Variants in CDHR5 observed in about 807,000 individuals in gnomAD.
CDHR5 encodes the protein cadherin related family member 5.
CDHR5 carries 82 observed loss-of-function variants against 69.5 expected under a neutral mutation model. The observed-to-expected ratio is 1.18, with a 90% CI of 0.99 to 1.42. The LOEUF (loss-of-function observed/expected upper bound fraction) is 1.42. Among genes scored for constraint, CDHR5 ranks in the 40% most tolerant of loss-of-function variants. The probability of loss-of-function intolerance (pLI) is 0.00; values close to 1 mark genes in which losing one functional copy is unlikely to be tolerated. For synonymous variants in CDHR5, 601 were observed against 510.2 expected, an observed-to-expected ratio of 1.18 and a Z score of -2.40; for missense variants, 1,293 against 1,168.9, an observed-to-expected ratio of 1.11 and a Z score of -1.55.
At position 618,171 on chromosome 11, in the gene CDHR5, C is replaced by T. The variant is rs1413232466; in HGVS notation, c.1961-60G>A. On this transcript the variant is annotated intron_variant, in intron 13 of 14. Coordinates refer to ENST00000397542, the MANE Select transcript of CDHR5 (RefSeq NM_021924.5). ...ACTGTTGAGTGCCCCAGGCATTTCC[C>T]ATGCCAACCTGTGCCAGGCTTGGGA... is the stretch of plus-strand genomic sequence containing the variant. 110 of 1,442,360 alleles carry T rather than the reference C, an allele frequency of 7.6e-5. 2 individuals are homozygous for T. Among genetic ancestry groups the T allele is most frequent in the South Asian group, 6.8e-4 (54 of 79,566 alleles). The allele number at this position is 1,442,360 out of a possible 1,614,324, so 89.3% of individuals were successfully genotyped here.
chr11:617,589 G>A lies in CDHR5; in HGVS notation c.2300C>T (p.Ala767Val), dbSNP rs756723845. Residue 767 changes from alanine (A) to valine (V), a missense_variant, in exon 15 of 15, where the codon GCT becomes GTT. Physicochemically the swap from Ala to Val is moderately conservative, Grantham distance 64 (BLOSUM62 0). Transcript: ENST00000397542. ...GAPEPPAAAR[A>V]GGSPTAVRSI... Reference sequence around the variant, plus strand: ...CCTCACCGCCGTGGGGCTTCCGCCAGCTCGGGCCGCTGCGGGGGGCTCAGG... The same window carrying A: ...CCTCACCGCCGTGGGGCTTCCGCCAACTCGGGCCGCTGCGGGGGGCTCAGG... 1 of 1,609,274 alleles carries A rather than the reference G, an allele frequency of 6.2e-7. No individual in the cohort carries two copies. Among genetic ancestry groups the A allele is most frequent in the Non-Finnish European group, 8.5e-7 (1 of 1,178,150 alleles).
chr11:624,119 C>G lies in CDHR5; in HGVS notation c.312+94G>C, dbSNP rs1247211448. The G allele has an allele frequency of 5.5e-5, 38 of 690,464 alleles. No homozygotes were observed. The South Asian group carries it at 5.8e-4, about 11-fold the overall frequency. The allele number at this position is 690,464 out of a possible 1,614,324, so 42.8% of individuals were successfully genotyped here. Reference sequence around the variant, plus strand: ...GGGGGGTGGAATTTGAAACCACACCCTAGCTGACGTCATCAAAGACTGGTC... The same window carrying G: ...GGGGGGTGGAATTTGAAACCACACCGTAGCTGACGTCATCAAAGACTGGTC... On this transcript the variant is annotated intron_variant, in intron 3 of 14. Transcript: ENST00000397542. The surrounding 1 kb of genome is among the most constrained non-coding windows in gnomAD (Gnocchi z 5.3).
In CDHR5 at chr11:617,508, C is replaced by A. The variant is rs747080771; in HGVS notation, c.2381G>T (p.Gly794Val). Residue 794 changes from glycine (G) to valine (V), a missense_variant, in exon 15 of 15, where the codon GGC becomes GTC. Coordinates refer to ENST00000397542, the MANE Select transcript of CDHR5 (RefSeq NM_021924.5). ...GTCTGCCTCCGTCCCGATGTCCTCG[C>A]CAAACCAGACAGCCTTGTACCCGCC... ...PEGGYKAVWF[G>V]EDIGTEADVV... The A allele has an allele frequency of 6.2e-7, 1 of 1,612,736 alleles. No individual in the cohort carries two copies. Among genetic ancestry groups the A allele is most frequent in the Non-Finnish European group, 8.5e-7 (1 of 1,179,850 alleles).
At chr11:622,782 C>CT (rs1808453297) in intron 3 of CDHR5, among the ~76,000 whole-genome samples, 1 of 152,044 alleles carries the variant, frequency 6.6e-6, no homozygotes, top group Non-Finnish European at 1.5e-5. Flanking sequence ...AGCCAGGACT[C>CT]TTCTTTTTAG....
rs1011951201 is a variant in CDHR5 at position 617,255 on chromosome 11, G to A, written c.*96C>T. On this transcript the variant is annotated 3_prime_UTR_variant, in exon 15 of 15. Coordinates refer to ENST00000397542, the MANE Select transcript of CDHR5 (RefSeq NM_021924.5). ...GCGCCTGCCCCACGCCATGGCCTGG[G>A]TTTCGGGAGCCTTGCTTTATTCTGC... The A allele has an allele frequency of 3.9e-6, 4 of 1,036,238 alleles. No homozygotes were observed. In the African/African-American group the frequency reaches 6.5e-5, roughly 17 times the overall value. 64.2% of individuals were successfully genotyped at this position (1,036,238 alleles called of 1,614,324 possible).
Position 624,506 on chromosome 11 carries a change from C to T in CDHR5, c.261+51G>A. On this transcript the variant is annotated intron_variant, in intron 2 of 14. Transcript: ENST00000397542. This position sits in a 1 kb window ranked among gnomAD's most constrained non-coding sequence, Gnocchi z 5.3. ...CCAAGGGAGGTGTGGCCTGAGGATG[C>T]AGGTGCCCTTCTCCCGGGACCCCCA... The T allele has an allele frequency of 1.3e-6, 2 of 1,567,996 alleles. No individual in the cohort carries two copies. Among genetic ancestry groups the T allele is most frequent in the Non-Finnish European group, 1.8e-6 (2 of 1,139,644 alleles).
At chr11:623,586 G>A (rs889267542) in intron 3 of CDHR5, among the ~76,000 whole-genome samples, 9 of 152,174 alleles carry the variant, frequency 5.9e-5, no homozygotes, top group Admixed American at 2.0e-4. Context: ...CGTGCCTGGC[G>A]GGAGCCCTGA....
In CDHR5 at chr11:617,002, T is replaced by G; in HGVS notation, c.*349A>C. The G allele has an allele frequency of 6.6e-6, 2 of 304,006 alleles. No individual in the cohort carries two copies. Among genetic ancestry groups the G allele is most frequent in the South Asian group, 5.9e-5 (1 of 16,984 alleles). 18.8% of individuals were successfully genotyped at this position (304,006 alleles called of 1,614,324 possible). On this transcript the variant is annotated 3_prime_UTR_variant, in exon 15 of 15. Coordinates refer to ENST00000397542, the MANE Select transcript of CDHR5 (RefSeq NM_021924.5). ...GGGTGCCTGAGATCTCCGGTGCAGG[T>G]CGGGGGAGGGGAGCCCCCCTCGGGC...
intron 12 of CDHR5, 35 bp downstream of exon 12, chr11:619,271 G>A (rs1186552376): frequency 1.3e-6 from 2 of 1,537,890 alleles, no homozygotes; most frequent in East Asian, 4.5e-5. Flanking sequence ...CTTATTTGGA[G>A]AACCCTGGGG....
In CDHR5 at chr11:619,718, T is replaced by C. The variant is rs756143823; in HGVS notation, c.1142A>G (p.Gln381Arg). The C allele has an allele frequency of 1.2e-6, 2 of 1,612,954 alleles. No homozygotes were observed. Among genetic ancestry groups the C allele is most frequent in the South Asian group, 1.1e-5 (1 of 91,078 alleles). ...VVVKDAAAPS[Q>R]PLRIQAQDPE... ...GTCCTGAGCCTGGATCCTCAGAGGC[T>C]GAGAAGGGGCAGCTGCATCCTTGAC... is the stretch of plus-strand genomic sequence containing the variant. Residue 381 changes from glutamine to arginine, a missense_variant, in exon 10 of 15, where the codon CAG becomes CGG. Physicochemically the swap from Gln to Arg is conservative, Grantham distance 43. Coordinates refer to ENST00000397542, the MANE Select transcript of CDHR5 (RefSeq NM_021924.5).
In CDHR5 at chr11:621,435, GGA is replaced by G. The variant is rs1857379708; in HGVS notation, c.526_527del (p.Ser176ProfsTer101). On this transcript the variant is annotated frameshift_variant, in exon 6 of 15. Coordinates refer to ENST00000397542, the MANE Select transcript of CDHR5 (RefSeq NM_021924.5). LOFTEE classifies it high-confidence loss of function. This position sits in a 1 kb window ranked among gnomAD's most constrained non-coding sequence, Gnocchi z 4.4. ...GGGCGGGACGGTTTACACTCACCAG[GGA>G]GAAGTAGTCACTGGCACCCTGGGGA... Reference protein sequence around the residue: ...EMTAGASDYFSLVSVNRPALR... With the variant: ...EMTAGASDYFXLVSVNRPALR... 1 of 1,612,686 alleles carries G rather than the reference GGA, an allele frequency of 6.2e-7. No individual in the cohort carries two copies. Among genetic ancestry groups the G allele is most frequent in the Non-Finnish European group, 8.5e-7 (1 of 1,179,792 alleles).
In CDHR5 at chr11:624,481, C is replaced by G; in HGVS notation, c.261+76G>C. ...CCGCAGGCATAGAACTCCTAGGCCC[C>G]CAAGGGAGGTGTGGCCTGAGGATGC... On this transcript the variant is annotated intron_variant, in intron 2 of 14. Transcript: ENST00000397542. This position sits in a 1 kb window ranked among gnomAD's most constrained non-coding sequence, Gnocchi z 5.3. 1 of 1,455,178 alleles carries G rather than the reference C, an allele frequency of 6.9e-7. No homozygotes were observed. The allele number at this position is 1,455,178 out of a possible 1,614,324, so 90.1% of individuals were successfully genotyped here. A position where few individuals can be genotyped will look rare whatever the true frequency, so the allele number is the denominator to read the frequency against.
rs1236234536 is a variant in CDHR5 at position 624,882 on chromosome 11, C to T, written c.21G>A (p.Leu7=). The part of the protein sequence containing the change: MGSWAL[L]WPPLLFTGLL... The stretch of plus-strand genomic sequence containing the variant: ...GCCCGGTGAACAGCAGGGGAGGCCA[C>T]AGCAGGGCCCAAGACCCCATCTTGG... The change falls in exon 1 of 15, where the codon CTG becomes CTA. Residue 7 remains leucine, a synonymous_variant. Coordinates refer to ENST00000397542, the MANE Select transcript of CDHR5 (RefSeq NM_021924.5). The surrounding 1 kb of genome is among the most constrained non-coding windows in gnomAD (Gnocchi z 5.3). 6.4e-7 allele frequency: 1 copy of T among 1,565,486 alleles called. No individual in the cohort carries two copies. The highest frequency in any genetic ancestry group is 8.6e-7 in the Non-Finnish European group (1 of 1,157,912).
In CDHR5 at chr11:617,174, GGCTCAAGC is replaced by G; in HGVS notation, c.*169_*176del. 1.6e-6 allele frequency: 1 copy of G among 609,126 alleles called. No homozygotes were observed. Among genetic ancestry groups the G allele is most frequent in the Non-Finnish European group, 3.0e-6 (1 of 337,384 alleles). 37.7% of individuals were successfully genotyped at this position (609,126 alleles called of 1,614,324 possible). ...ACCCACCGCCTCATCTGCACACCTG[GGCTCAAGC>G]GCTAATGACGACAGGGGACTGAGTG... On this transcript the variant is annotated 3_prime_UTR_variant, in exon 15 of 15. Transcript: ENST00000397542.
chr11:620,194 G>A (rs775053567), intron 8 of CDHR5, 30 bp from the exon 9 acceptor site: 12 of 1,597,284 alleles, frequency 7.5e-6, no homozygotes, highest in East Asian at 2.2e-5. Context: ...GCTCAGCCCC[G>A]GCCCCCTGAG....
Position 617,393 on chromosome 11 carries a change from C to G in CDHR5, c.2496G>C (p.Gly832=), listed in dbSNP as rs1236156707. ...CACCACCGGGCGCATCGTAGGGACC[C>G]CCACCCCTCCCCGCGCCCTCGCCCT... The part of the protein sequence containing the change: ...GDEGEGAGRG[G]GPYDAPGGDD... Residue 832 remains glycine, a synonymous_variant, in exon 15 of 15, where the codon GGG becomes GGC. Coordinates refer to ENST00000397542, the MANE Select transcript of CDHR5 (RefSeq NM_021924.5). 3 of 1,610,268 alleles carry G rather than the reference C, an allele frequency of 1.9e-6. No individual in the cohort carries two copies. The highest frequency in any genetic ancestry group is 2.5e-6 in the Non-Finnish European group (3 of 1,178,462).
rs1436402917 is a variant in CDHR5, at chr11:624,076, AT to A, written c.312+136del. The A allele has an allele frequency of 1.5e-6, 1 of 649,384 alleles. No homozygotes were observed. The highest frequency in any genetic ancestry group is 1.8e-5 in the African/African-American group (1 of 56,046). 40.2% of individuals were successfully genotyped at this position (649,384 alleles called of 1,614,324 possible). A position where few individuals can be genotyped will look rare whatever the true frequency, so the allele number is the denominator to read the frequency against. On this transcript the variant is annotated intron_variant, in intron 3 of 14. Transcript: ENST00000397542. This position sits in a 1 kb window ranked among gnomAD's most constrained non-coding sequence, Gnocchi z 5.3. ...CAGGGCAGAGTCTGGACTGGAGGAA[AT>A]GTGGGCATCACCCTCGGGGGGGTGG...
At chr11:620,903 G>A (rs1349769887) in intron 7 of CDHR5, among the ~76,000 whole-genome samples, 177 bp downstream of exon 7, 1 of 152,138 alleles carries the variant, frequency 6.6e-6, no homozygotes, top group African/African-American at 2.4e-5. Flanking sequence ...CTCCCTCACC[G>A]CTCAAGATGG....
At position 621,627 on chromosome 11, in the gene CDHR5, G is replaced by A; in HGVS notation, c.442C>T (p.Gln148Ter). 6 of 1,613,862 alleles carry A rather than the reference G, an allele frequency of 3.7e-6. No individual in the cohort carries two copies. The highest frequency in any genetic ancestry group is 4.2e-6 in the Non-Finnish European group (5 of 1,179,828). ...TTGTCGCGGTCCTCAGCCTGCAGTTGCGTCTCGGGGATGACGGTGGAGTTC... is the reference window on the plus strand; with the variant it reads ...TTGTCGCGGTCCTCAGCCTGCAGTTACGTCTCGGGGATGACGGTGGAGTTC... ...KVNSTVIPETQLQAEDRDKDD... is the reference protein window; with the variant it reads ...KVNSTVIPET The change falls in exon 5 of 15, where the codon CAA (glutamine) becomes TAA (stop). Residue 148 changes from glutamine to a stop codon, truncating the protein, a stop_gained. Transcript: ENST00000397542. LOFTEE classifies it high-confidence loss of function. This position sits in a 1 kb window ranked among gnomAD's most constrained non-coding sequence, Gnocchi z 4.4.
Sources: gnomAD v4.1 joint callset for allele counts (sites outside exome capture counted in the v4.1 genomes callset) on GRCh38, gnomAD v4.1.1 for gene constraint, Gnocchi (gnomAD v3.1) non-coding constraint, MANE v1.5 for transcripts, NCBI Gene and HGNC (gene_info 2026-07-23, HGNC 2026-07-21) for gene names.